Variants in VPS45 observed in about 807,000 individuals in gnomAD.
The protein encoded by VPS45 is vacuolar protein sorting 45 homolog.
In VPS45, 35 loss-of-function variants were observed where a neutral mutation model predicts 75.9. That is an observed-to-expected ratio of 0.46 (90% CI 0.35 to 0.61). VPS45 has a LOEUF of 0.61. VPS45 is among the 20% of genes least tolerant of loss of function. The pLI, the probability that VPS45 is intolerant of heterozygous loss-of-function variation, is 0.00. For missense variants in VPS45, 559 were observed against 685.9 expected, an observed-to-expected ratio of 0.81 and a Z score of 2.07; for synonymous variants, 220 against 238.2, an observed-to-expected ratio of 0.92 and a Z score of 0.70.
At chr1:150,127,977 A>C (rs1282975052) in intron 14 of VPS45, among the ~76,000 whole-genome samples, 1 of 152,160 alleles carries the variant, frequency 6.6e-6, no homozygotes, top group East Asian at 1.9e-4. Flanking sequence ...TAAAAATGAG[A>C]TTTAAGAGAC....
chr1:150,081,577 A>G, intron 8 of VPS45, 101 bp downstream of exon 8: 2 of 1,379,782 alleles, frequency 1.4e-6, no homozygotes, highest in South Asian at 2.6e-5. Context: ...TTTCATGTGA[A>G]AGGATGATAG....
intron 14 of VPS45, among the ~76,000 whole-genome samples, chr1:150,116,331 C>T (rs1176314678): frequency 1.3e-5 from 2 of 152,172 alleles, no homozygotes; most frequent in African/African-American, 4.8e-5. Flanking sequence ...TCAAGTGTCT[C>T]CCTTTGCTGC....
intron 7 of VPS45, among the ~76,000 whole-genome samples, chr1:150,078,978 G>A (rs587593880): frequency 6.6e-6 from 1 of 151,678 alleles, no homozygotes; most frequent in African/African-American, 2.4e-5. Flanking sequence ...GGACGTGGTG[G>A]CAGATGCCTG....
intron 7 of VPS45, among the ~76,000 whole-genome samples, chr1:150,079,791 A>G (rs782778457): frequency 3.9e-5 from 6 of 152,220 alleles, no homozygotes; most frequent in Non-Finnish European, 7.3e-5. Context: ...TGCTAAGGGA[A>G]ATCTGTGGAG....
intron 1 of VPS45, 58 bp downstream of exon 1, chr1:150,068,008 G>A (rs1434268795): frequency 2.0e-6 from 3 of 1,504,030 alleles, no homozygotes; most frequent in South Asian, 1.1e-5. Flanking sequence ...ACAATTGCTC[G>A]TCCCATTCCA....
At chr1:150,086,903 C>T (rs1294534236) in intron 10 of VPS45, among the ~76,000 whole-genome samples, 1 of 151,328 alleles carries the variant, frequency 6.6e-6, no homozygotes, top group Non-Finnish European at 1.5e-5. Flanking sequence ...TTTTGTTATT[C>T]TCTGACTTTA....
At chr1:150,069,525 C>T (rs141559719) in intron 2 of VPS45, among the ~76,000 whole-genome samples, 2,020 of 137,188 alleles carry the variant, frequency 0.015, 44 homozygotes, top group African/African-American at 0.049. Context: ...GGCGCAATCT[C>T]GGCTCACTGC....
intron 14 of VPS45, among the ~76,000 whole-genome samples, chr1:150,135,005 A>G (rs184573703): frequency 2.0e-5 from 3 of 152,304 alleles, no homozygotes; most frequent in Non-Finnish European, 2.9e-5. Flanking sequence ...CCTGTCTTCA[A>G]TGATCTTATG....
chr1:150,101,957 C>G (rs1553804473), intron 13 of VPS45, among the ~76,000 whole-genome samples: 1 of 152,080 alleles, frequency 6.6e-6, no homozygotes, highest in African/African-American at 2.4e-5. Flanking sequence ...ACACATGCAG[C>G]TGGACACGGT....
chr1:150,131,059 G>T (rs1375324110), intron 14 of VPS45, among the ~76,000 whole-genome samples: 2 of 152,156 alleles, frequency 1.3e-5, no homozygotes, highest in Non-Finnish European at 2.9e-5. Flanking sequence ...TGTTGGTTAG[G>T]CATCAGAGGG....
At position 150,092,418 on chromosome 1, in the gene VPS45, A is replaced by G. The variant is rs368568806; in HGVS notation, c.1371+9A>G. 8.1e-6 allele frequency: 13 copies of G among 1,609,932 alleles called. No individual in the cohort carries two copies. The highest frequency in any genetic ancestry group is 1.1e-5 in the Non-Finnish European group (13 of 1,176,478). ...TCCTCAAAGGACTGAAGGTATAGAC[A>G]TCTCCTCTATGCTCTCCTGAGTGAG... On this transcript the variant is annotated intron_variant, in intron 12 of 14. Coordinates refer to ENST00000644510, the MANE Select transcript of VPS45 (RefSeq NM_007259.5).
rs1253502635 is a variant in VPS45, at chr1:150,068,657, CA to C, written c.123del (p.Gln41HisfsTer23). On this transcript the variant is annotated frameshift_variant, in exon 2 of 15. Coordinates refer to ENST00000644510, the MANE Select transcript of VPS45 (RefSeq NM_007259.5). LOFTEE classifies it high-confidence loss of function. The stretch of plus-strand genomic sequence containing the variant: ...TGGCATAGTGAGTATGGTATACACA[CA>C]ATCGGAGATTCTACAGAAGGAAGTG... ...TTGIVSMVYT[Q>X]SEILQKEVYL... is the part of the protein sequence containing the mutation. The C allele has an allele frequency of 6.2e-7, 1 of 1,610,318 alleles. No individual in the cohort carries two copies. The highest frequency in any genetic ancestry group is 8.5e-7 in the Non-Finnish European group (1 of 1,178,254).
chr1:150,072,940 ACTTT>A lies in VPS45; in HGVS notation c.289+715_289+718del, dbSNP rs1478035103. 5.3e-5 allele frequency among the ~76,000 whole-genome samples: 8 copies of A among 152,246 alleles called. No homozygotes were observed. In the South Asian group the frequency reaches 1.7e-3, roughly 32 times the overall value. Reference sequence around the variant, plus strand: ...GAGTTTGCTGGAAAAGCAGAAATTTACTTTACATACCAGATAAAAGCCTTTCACT... The same window carrying A: ...GAGTTTGCTGGAAAAGCAGAAATTTAACATACCAGATAAAAGCCTTTCACT... On this transcript the variant is annotated intron_variant, in intron 3 of 14. Transcript: ENST00000644510.
At chr1:150,137,949 C>G (rs1659199938) in intron 14 of VPS45, among the ~76,000 whole-genome samples, 1 of 146,730 alleles carries the variant, frequency 6.8e-6, no homozygotes, top group South Asian at 2.2e-4. Flanking sequence ...TTTGAAATAT[C>G]CTGCTATGTT....
chr1:150,131,109 C>A (rs1222372155), intron 14 of VPS45, among the ~76,000 whole-genome samples: 1 of 152,042 alleles, frequency 6.6e-6, no homozygotes, highest in East Asian at 1.9e-4. Context: ...AAACTGCCGG[C>A]CAGAAAAATT....
intron 6 of VPS45, 40 bp downstream of exon 6, chr1:150,077,271 C>T: frequency 1.3e-6 from 2 of 1,586,116 alleles, no homozygotes; most frequent in Non-Finnish European, 1.7e-6. Context: ...ACATAAAGGC[C>T]ATTCATTTCT....
chr1:150,086,491 G>T (rs72692902), intron 10 of VPS45, among the ~76,000 whole-genome samples: 16,049 of 147,104 alleles, frequency 0.11, 1,191 homozygotes, highest in Non-Finnish European at 0.16. Context: ...TGGTTTTTTT[G>T]TGTGTGTGTT....
In VPS45 at chr1:150,093,539, G is replaced by A. The variant is rs77600172; in HGVS notation, c.1384G>A (p.Val462Ile). The change falls in exon 13 of 15, where the codon GTA becomes ATA. Residue 462 changes from valine (V) to isoleucine (I), a missense_variant. By Grantham distance (29) the Val-to-Ile change is conservative (BLOSUM62 3). Coordinates refer to ENST00000644510, the MANE Select transcript of VPS45 (RefSeq NM_007259.5). ...FLKGLKGVEN[V>I]YTQHQPFLHE... ...TCCCCTGTTTTAGGGAGTAGAAAAT[G>A]TATATACACAGCATCAACCTTTCCT... 1.2e-6 allele frequency: 2 copies of A among 1,613,508 alleles called. No homozygotes were observed. Among genetic ancestry groups the A allele is most frequent in the Non-Finnish European group, 8.5e-7 (1 of 1,179,772 alleles).
rs1415553849 is a variant in VPS45 at position 150,124,552 on chromosome 1, C to CTTTTTTTTT, written c.1625+13930_1625+13938dup. On this transcript the variant is annotated intron_variant, in intron 14 of 14. Coordinates refer to ENST00000644510, the MANE Select transcript of VPS45 (RefSeq NM_007259.5). Reference sequence around the variant, plus strand: ...AATATGTTGGCTTTTTTTCTTTTTTCTTTTTTTTTTTTTGAGACAGAGTCT... The same window carrying CTTTTTTTTT: ...AATATGTTGGCTTTTTTTCTTTTTTCTTTTTTTTTTTTTTTTTTTTTTGAGACAGAGTCT... Among the ~76,000 whole-genome samples, 2 of 140,218 alleles carry CTTTTTTTTT rather than the reference C, an allele frequency of 1.4e-5. 1 individual carries two copies. 92.0% of individuals were successfully genotyped at this position (140,218 alleles called of 152,430 possible).
Sources: allele counts gnomAD v4.1 joint callset (sites outside exome capture counted in the v4.1 genomes callset), GRCh38; gene constraint gnomAD v4.1.1; transcripts MANE v1.5; gene names NCBI Gene and HGNC (gene_info 2026-07-23, HGNC 2026-07-21).